Variants in PCSK9 observed in about 807,000 individuals in gnomAD.
The protein encoded by PCSK9 is proprotein convertase subtilisin/kexin type 9, also known as convertase subtilisin/kexin type 9 preproprotein.
Under a neutral mutation model 62.1 loss-of-function variants are expected in PCSK9, and 57 were observed. The observed-to-expected ratio is 0.92, with a 90% CI of 0.74 to 1.14. The LOEUF (loss-of-function observed/expected upper bound fraction) is 1.14, where lower values mean the gene tolerates loss of function less well. Among genes scored for constraint, PCSK9 ranks in the 50% most tolerant of loss-of-function variants. The pLI is 0.00. For missense variants in PCSK9, 870 were observed against 959.8 expected (o/e 0.91, Z 1.24); for synonymous variants, 387 against 409.4 (o/e 0.95, Z 0.66).
chr1:55,050,607 G>A (rs930551220), intron 3 of PCSK9, among the ~76,000 whole-genome samples: 1 of 152,222 alleles, frequency 6.6e-6, no homozygotes, highest in Non-Finnish European at 1.5e-5. Context: ...GCTTCCTGCC[G>A]AGACTGGAGG....
chr1:55,061,672 G>C, intron 11 of PCSK9, 116 bp downstream of exon 11: 2 of 1,334,670 alleles, frequency 1.5e-6, no homozygotes, highest in South Asian at 2.5e-5. Context: ...CGGTTTGCCA[G>C]GTAGATGCTG....
rs769970556 is a variant in PCSK9, at chr1:55,058,175, G to A, written c.1320G>A (p.Leu440=). 6.2e-7 allele frequency: 1 copy of A among 1,613,396 alleles called. No individual in the cohort carries two copies. Among genetic ancestry groups the A allele is most frequent in the African/African-American group, 1.3e-5 (1 of 75,056 alleles). ...ACCAGCGGGTACTGACCCCCAACCTGGTGGCCGCCCTGCCCCCCAGCACCC... is the reference window on the plus strand; with the variant it reads ...ACCAGCGGGTACTGACCCCCAACCTAGTGGCCGCCCTGCCCCCCAGCACCC... ...PEDQRVLTPN[L]VAALPPSTHG... The change falls in exon 8 of 12, where the codon CTG becomes CTA. Residue 440 remains leucine, a synonymous_variant. Coordinates refer to ENST00000302118, the MANE Select transcript of PCSK9 (RefSeq NM_174936.4).
intron 9 of PCSK9, among the ~76,000 whole-genome samples, 172 bp downstream of exon 9, chr1:55,058,819 CCTCACTT>C (rs1644737286): frequency 6.6e-6 from 1 of 152,168 alleles, no homozygotes; most frequent in Non-Finnish European, 1.5e-5. Context: ...GTGGGGCACT[CCTCACTT>C]CACGCGGCTG....
Position 55,064,346 on chromosome 1 carries a change from C to T in PCSK9, c.*762C>T, listed in dbSNP as rs1644785443. On this transcript the variant is annotated 3_prime_UTR_variant, in exon 12 of 12. Transcript: ENST00000302118. Reference sequence around the variant, plus strand: ...CTACCCGGCAGGGTACACATTCGCACCCCTACTTCACAGAGGAAGAAACCT... The same window carrying T: ...CTACCCGGCAGGGTACACATTCGCATCCCTACTTCACAGAGGAAGAAACCT... The T allele has an allele frequency of 6.6e-6, 1 of 152,316 alleles. No homozygotes were observed. Among genetic ancestry groups the T allele is most frequent in the Non-Finnish European group, 1.5e-5 (1 of 68,114 alleles). The allele number at this position is 152,316 out of a possible 1,614,324, so 9.4% of individuals were successfully genotyped here.
chr1:55,052,028 T>C (rs540407536), intron 3 of PCSK9: 25 of 568,020 alleles, frequency 4.4e-5, no homozygotes, highest in Non-Finnish European at 7.3e-5. Context: ...CTTGGGTCCT[T>C]CTTGGCAGTA....
intron 2 of PCSK9, among the ~76,000 whole-genome samples, chr1:55,045,257 C>G (rs111342911): frequency 1.3e-5 from 2 of 152,252 alleles, no homozygotes; most frequent in African/African-American, 4.8e-5. Flanking sequence ...CATTTGCCAT[C>G]GAGAGCTGGA....
In PCSK9 at chr1:55,052,361, A is replaced by G; in HGVS notation, c.607A>G (p.Thr203Ala). 6.2e-7 allele frequency: 1 copy of G among 1,613,918 alleles called. No individual in the cohort carries two copies. Among genetic ancestry groups the G allele is most frequent in the South Asian group, 1.1e-5 (1 of 91,064 alleles). Residue 203 changes from threonine (T) to alanine (A), a missense_variant, in exon 4 of 12, where the codon ACC (threonine) becomes GCC (alanine). By Grantham distance (58) the Thr-to-Ala change is moderately conservative. Transcript: ENST00000302118. ...HREIEGRVMV[T>A]DFENVPEEDG... The stretch of plus-strand genomic sequence containing the variant: ...GGAAATCGAGGGCAGGGTCATGGTC[A>G]CCGACTTCGAGAATGTGCCCGAGGA...
Position 55,058,494 on chromosome 1 carries a change from T to C in PCSK9, c.1355-5T>C. ...CCCCCTCCTCATCCCAGGCCCTTTT[T>C]GCAGGTTGGCAGCTGTTTTGCAGGA... On this transcript the variant is annotated splice_region_variant and splice_polypyrimidine_tract_variant and intron_variant, in intron 8 of 11. Transcript: ENST00000302118. 6.2e-7 allele frequency: 1 copy of C among 1,612,220 alleles called. No homozygotes were observed. The highest frequency in any genetic ancestry group is 8.5e-7 in the Non-Finnish European group (1 of 1,180,034).
At chr1:55,057,896 T>C (rs1644727124) in intron 7 of PCSK9, 140 bp from the exon 8 acceptor site, 2 of 1,251,520 alleles carry the variant, frequency 1.6e-6, no homozygotes, top group Non-Finnish European at 1.2e-6. Flanking sequence ...TGCAGGCGGC[T>C]TACCTTCGAG....
chr1:55,064,281 T>C lies in PCSK9; in HGVS notation c.*697T>C, dbSNP rs930343330. 2.0e-5 allele frequency: 3 copies of C among 152,864 alleles called. No individual in the cohort carries two copies. The highest frequency in any genetic ancestry group is 2.9e-5 in the Non-Finnish European group (2 of 68,546). 9.5% of individuals were successfully genotyped at this position (152,864 alleles called of 1,614,324 possible). ...CCATCACCTAGGACTGACTCGGCAGTGTGCAGTGGTGCATGCACTGTCTCA... is the reference window on the plus strand; with the variant it reads ...CCATCACCTAGGACTGACTCGGCAGCGTGCAGTGGTGCATGCACTGTCTCA... On this transcript the variant is annotated 3_prime_UTR_variant, in exon 12 of 12. Coordinates refer to ENST00000302118, the MANE Select transcript of PCSK9 (RefSeq NM_174936.4).
intron 3 of PCSK9, among the ~76,000 whole-genome samples, chr1:55,048,071 A>T (rs1644646898): frequency 6.6e-6 from 1 of 152,172 alleles, no homozygotes; most frequent in South Asian, 2.1e-4. Flanking sequence ...CCTCGGTTGG[A>T]ACAAGTTGAT....
Position 55,064,225 on chromosome 1 carries a change from C to G in PCSK9, c.*641C>G, listed in dbSNP as rs1378291136. ...TTACTCTGCTCTATGCCAGGCTGTGCTAGCAACACCCAAAGGTGGCCTGCG... is the reference window on the plus strand; with the variant it reads ...TTACTCTGCTCTATGCCAGGCTGTGGTAGCAACACCCAAAGGTGGCCTGCG... On this transcript the variant is annotated 3_prime_UTR_variant, in exon 12 of 12. Transcript: ENST00000302118. 1 of 153,264 alleles carries G rather than the reference C, an allele frequency of 6.5e-6. No homozygotes were observed. The highest frequency in any genetic ancestry group is 1.5e-5 in the Non-Finnish European group (1 of 68,810). The allele number at this position is 153,264 out of a possible 1,614,324, so 9.5% of individuals were successfully genotyped here.
At position 55,039,943 on chromosome 1, in the gene PCSK9, G is replaced by A. The variant is rs757753730; in HGVS notation, c.106G>A (p.Gly36Ser). ...CGCCCGTGCGCAGGAGGACGAGGACGGCGACTACGAGGAGCTGGTGCTAGC... is the reference window on the plus strand; with the variant it reads ...CGCCCGTGCGCAGGAGGACGAGGACAGCGACTACGAGGAGCTGGTGCTAGC... Reference protein sequence around the residue: ...AGARAQEDEDGDYEELVLALR... With the variant: ...AGARAQEDEDSDYEELVLALR... Residue 36 changes from glycine to serine, a missense_variant, in exon 1 of 12, where the codon GGC becomes AGC. Gly to Ser is a moderately conservative substitution (Grantham distance 56). Coordinates refer to ENST00000302118, the MANE Select transcript of PCSK9 (RefSeq NM_174936.4). 10 of 1,573,982 alleles carry A rather than the reference G, an allele frequency of 6.4e-6. No homozygotes were observed. Among genetic ancestry groups the A allele is most frequent in the South Asian group, 5.8e-5 (5 of 85,658 alleles).
Position 55,043,940 on chromosome 1 carries a change from C to T in PCSK9, c.305C>T (p.Ala102Val). ...ERTARRLQAQAARRGYLTKIL... is the reference protein window; with the variant it reads ...ERTARRLQAQVARRGYLTKIL... ...ACTGCCCGCCGCCTGCAGGCCCAGG[C>T]TGCCCGCCGGGGATACCTCACCAAG... The change falls in exon 2 of 12, where the codon GCT becomes GTT. Residue 102 changes from alanine (A) to valine (V), a missense_variant. Physicochemically the swap from Ala to Val is moderately conservative, Grantham distance 64. Transcript: ENST00000302118. 6.2e-7 allele frequency: 1 copy of T among 1,614,226 alleles called. No individual in the cohort carries two copies. Among genetic ancestry groups the T allele is most frequent in the Non-Finnish European group, 8.5e-7 (1 of 1,180,040 alleles).
chr1:55,047,611 G>T (rs532980331), intron 3 of PCSK9, among the ~76,000 whole-genome samples: 1 of 152,184 alleles, frequency 6.6e-6, no homozygotes, highest in East Asian at 1.9e-4. Context: ...GTGAAAAGTT[G>T]GGGGGCTACT....
chr1:55,043,997 G>C lies in PCSK9; in HGVS notation c.362G>C (p.Gly121Ala). Residue 121 changes from glycine (G) to alanine (A), a missense_variant, in exon 2 of 12, where the codon GGC (glycine) becomes GCC (alanine). Transcript: ENST00000302118. ...CATGTCTTCCATGGCCTTCTTCCTGGCTTCCTGGTGAAGATGAGTGGCGAC... is the reference window on the plus strand; with the variant it reads ...CATGTCTTCCATGGCCTTCTTCCTGCCTTCCTGGTGAAGATGAGTGGCGAC... Reference protein sequence around the residue: ...ILHVFHGLLPGFLVKMSGDLL... With the variant: ...ILHVFHGLLPAFLVKMSGDLL... 1 of 1,614,244 alleles carries C rather than the reference G, an allele frequency of 6.2e-7. No individual in the cohort carries two copies. Among genetic ancestry groups the C allele is most frequent in the Non-Finnish European group, 8.5e-7 (1 of 1,180,054 alleles).
rs756680562 is a variant in PCSK9, at chr1:55,057,315, C to T, written c.997-16C>T. ...TTGGGCTCCTTTCTCTGCCACCCACCTCCTCACCTTTCCAGGTCATCACAG... is the reference window on the plus strand; with the variant it reads ...TTGGGCTCCTTTCTCTGCCACCCACTTCCTCACCTTTCCAGGTCATCACAG... On this transcript the variant is annotated splice_polypyrimidine_tract_variant and intron_variant, in intron 6 of 11. Coordinates refer to ENST00000302118, the MANE Select transcript of PCSK9 (RefSeq NM_174936.4). 6.2e-7 allele frequency: 1 copy of T among 1,612,402 alleles called. No individual in the cohort carries two copies. Among genetic ancestry groups the T allele is most frequent in the Non-Finnish European group, 8.5e-7 (1 of 1,178,656 alleles).
At position 55,057,522 on chromosome 1, in the gene PCSK9, A is replaced by G. The variant is rs929452811; in HGVS notation, c.1180+8A>G. 4.4e-6 allele frequency: 7 copies of G among 1,606,440 alleles called. No individual in the cohort carries two copies. The African/African-American group carries it at 8.0e-5, about 18-fold the overall frequency. On this transcript the variant is annotated splice_region_variant and intron_variant, in intron 7 of 11. Transcript: ENST00000302118. ...CTGCTGCCCACGTGGCTGGTAAGTCACCACCCCACTGCCTCGGCCACCGTG... is the reference window on the plus strand; with the variant it reads ...CTGCTGCCCACGTGGCTGGTAAGTCGCCACCCCACTGCCTCGGCCACCGTG...
rs761104090 is a variant in PCSK9 at position 55,043,833 on chromosome 1, A to G, written c.208-10A>G. 1 of 1,613,784 alleles carries G rather than the reference A, an allele frequency of 6.2e-7. No homozygotes were observed. Among genetic ancestry groups the G allele is most frequent in the Non-Finnish European group, 8.5e-7 (1 of 1,180,020 alleles). On this transcript the variant is annotated splice_polypyrimidine_tract_variant and intron_variant, in intron 1 of 11. Transcript: ENST00000302118. ...TCCATGTCATCATGTTCCTCCTTGC[A>G]TGGGGCCAGGATCCGTGGAGGTTGC...
Sources: allele counts gnomAD v4.1 joint callset (sites outside exome capture counted in the v4.1 genomes callset), GRCh38; gene constraint gnomAD v4.1.1; transcripts MANE v1.5; gene names NCBI Gene and HGNC (gene_info 2026-07-23, HGNC 2026-07-21).